The following ARHGAP15 variants were observed in gnomAD, a reference collection of about 807,000 sequenced individuals.
ARHGAP15 encodes the protein Rho GTPase activating protein 15.
In ARHGAP15, 51 loss-of-function variants were observed where a neutral mutation model predicts 63.7. That is an observed-to-expected ratio of 0.80 (90% CI 0.64 to 1.01). The LOEUF is 1.01. ARHGAP15 is among the 50% of genes least tolerant of loss of function. The pLI, the probability that ARHGAP15 is intolerant of heterozygous loss-of-function variation, is 0.00. For synonymous variants in ARHGAP15, 191 were observed against 193.8 expected (o/e 0.99, Z 0.12); for missense variants, 560 against 564.6 (o/e 0.99, Z 0.08).
At chr2:143,675,533 T>C (rs1195145808) in intron 12 of ARHGAP15, among the ~76,000 whole-genome samples, 2 of 152,134 alleles carry the variant, frequency 1.3e-5, no homozygotes, top group African/African-American at 2.4e-5. Context: ...AAAGTGAAAA[T>C]TACTCCTTGA....
chr2:143,153,876 C>T (rs78781029), intron 1 of ARHGAP15, among the ~76,000 whole-genome samples: 1,595 of 56,924 alleles, frequency 0.028, 33 homozygotes, highest in African/African-American at 0.041. Context: ...CCTCCTCTTC[C>T]TCCTCCTCCT....
At chr2:143,299,614 T>G (rs1468032435) in intron 6 of ARHGAP15, among the ~76,000 whole-genome samples, 1 of 152,032 alleles carries the variant, frequency 6.6e-6, no homozygotes, top group Non-Finnish European at 1.5e-5. Context: ...CTACGCTTTG[T>G]GCTTCTTTCC....
intron 8 of ARHGAP15, among the ~76,000 whole-genome samples, chr2:143,480,400 A>C (rs115805182): frequency 7.6e-4 from 116 of 152,302 alleles, no homozygotes; most frequent in African/African-American, 2.6e-3. Flanking sequence ...TTCTCCTTAA[A>C]TGGGTAGATA....
chr2:143,758,226 T>TTTTA (rs1342308523), intron 13 of ARHGAP15, among the ~76,000 whole-genome samples: 1 of 151,800 alleles, frequency 6.6e-6, no homozygotes, highest in Non-Finnish European at 1.5e-5. Context: ...ATTATGTATT[T>TTTTA]TTTATTTCAT....
At chr2:143,710,504 C>T (rs1383557681) in intron 13 of ARHGAP15, among the ~76,000 whole-genome samples, 2 of 152,170 alleles carry the variant, frequency 1.3e-5, no homozygotes, top group African/African-American at 2.4e-5. Flanking sequence ...AGTGCCTCCT[C>T]GTTCTAGAGG....
intron 11 of ARHGAP15, among the ~76,000 whole-genome samples, chr2:143,571,176 G>A (rs1332329840): frequency 6.6e-6 from 1 of 152,012 alleles, no homozygotes; most frequent in Non-Finnish European, 1.5e-5. Flanking sequence ...TTATTTGCAG[G>A]AAAAAAAGCT....
At chr2:143,479,243 GACTT>G (rs1691962359) in intron 8 of ARHGAP15, among the ~76,000 whole-genome samples, 1 of 151,956 alleles carries the variant, frequency 6.6e-6, no homozygotes, top group Admixed American at 6.5e-5. Context: ...TCTCCAACTT[GACTT>G]ACTTTTTTGC....
At chr2:143,700,582 T>G (rs1194333515) in intron 12 of ARHGAP15, among the ~76,000 whole-genome samples, 2 of 152,178 alleles carry the variant, frequency 1.3e-5, no homozygotes, top group Non-Finnish European at 2.9e-5. Flanking sequence ...AGTTTCATAC[T>G]GATTGCTTGC....
At chr2:143,173,813 A>G (rs895224939) in intron 2 of ARHGAP15, among the ~76,000 whole-genome samples, 1 of 152,124 alleles carries the variant, frequency 6.6e-6, no homozygotes, top group Admixed American at 6.6e-5. Flanking sequence ...GTACAATAGT[A>G]CCTCAGCAGC....
At chr2:143,624,019 G>A in intron 11 of ARHGAP15, 114 bp from the exon 12 acceptor site, 1 of 1,295,790 alleles carries the variant, frequency 7.7e-7, no homozygotes, top group Non-Finnish European at 1.1e-6. Flanking sequence ...ACCTCTAGGT[G>A]CAGAAGGCTG....
At chr2:143,396,270 G>A (rs1010776235) in intron 6 of ARHGAP15, among the ~76,000 whole-genome samples, 20 of 152,022 alleles carry the variant, frequency 1.3e-4, no homozygotes, top group African/African-American at 4.8e-4. Context: ...TATTGCTTCT[G>A]TACTTCCAGA....
intron 2 of ARHGAP15, among the ~76,000 whole-genome samples, chr2:143,183,577 G>A (rs898204646): frequency 2.0e-5 from 3 of 151,956 alleles, no homozygotes; most frequent in Non-Finnish European, 4.4e-5. Context: ...TAAGAAATAC[G>A]AGCTCACAAA....
chr2:143,452,830 T>C (rs1031929681), intron 8 of ARHGAP15, among the ~76,000 whole-genome samples: 2 of 151,980 alleles, frequency 1.3e-5, no homozygotes, highest in Non-Finnish European at 2.9e-5. Flanking sequence ...TAATAAATAG[T>C]GATTATTACT....
intron 6 of ARHGAP15, among the ~76,000 whole-genome samples, chr2:143,361,488 G>T (rs371873907): frequency 6.6e-6 from 1 of 152,148 alleles, no homozygotes; most frequent in East Asian, 1.9e-4. Flanking sequence ...GAAGCATAAA[G>T]CAGAGATCTT....
At chr2:143,367,396 A>G (rs974561658) in intron 6 of ARHGAP15, among the ~76,000 whole-genome samples, 3 of 151,356 alleles carry the variant, frequency 2.0e-5, no homozygotes, top group Admixed American at 1.3e-4. Context: ...ATCATGTTGT[A>G]CTCCCTTGAC....
At chr2:143,417,055 G>A (rs1688723550) in intron 6 of ARHGAP15, among the ~76,000 whole-genome samples, 1 of 152,014 alleles carries the variant, frequency 6.6e-6, no homozygotes, top group Admixed American at 6.6e-5. Flanking sequence ...CTTCTTAGAA[G>A]TTGCCATTGA....
intron 6 of ARHGAP15, among the ~76,000 whole-genome samples, chr2:143,409,856 C>CTA (rs1378284353): frequency 5.9e-5 from 9 of 152,196 alleles, no homozygotes; most frequent in Non-Finnish European, 1.3e-4. Context: ...AGTGTACACT[C>CTA]TATGATATTC....
intron 12 of ARHGAP15, among the ~76,000 whole-genome samples, chr2:143,695,931 A>G (rs1683825218): frequency 1.3e-5 from 2 of 152,134 alleles, no homozygotes; most frequent in Admixed American, 1.3e-4. Context: ...CCAATGTGAG[A>G]TCATAGTGCA....
chr2:143,752,890 A>C (rs1460284610), intron 13 of ARHGAP15, among the ~76,000 whole-genome samples: 1 of 152,132 alleles, frequency 6.6e-6, no homozygotes, highest in African/African-American at 2.4e-5. Flanking sequence ...TAATCCCAGC[A>C]CTTCAGGAGG....
Sources: allele counts gnomAD v4.1 joint callset (sites outside exome capture counted in the v4.1 genomes callset), GRCh38; gene constraint gnomAD v4.1.1; transcripts MANE v1.5; gene names NCBI Gene and HGNC (gene_info 2026-07-23, HGNC 2026-07-21).